The following ACOT11 variants were observed in gnomAD, a reference collection of about 807,000 sequenced individuals.
ACOT11 encodes the protein acyl-CoA thioesterase 11, also known as acyl-coenzyme A thioesterase 11.
In ACOT11, 69 loss-of-function variants were observed where a neutral mutation model predicts 77.5. The observed-to-expected ratio is 0.89, with a 90% CI of 0.73 to 1.09. The LOEUF (loss-of-function observed/expected upper bound fraction) is 1.09, where lower values mean the gene tolerates loss of function less well. Among genes scored for constraint, ACOT11 ranks in the 50% least tolerant of loss-of-function variants. ACOT11 has a pLI of 0.00. For synonymous variants in ACOT11, 279 were observed against 313.0 expected, an observed-to-expected ratio of 0.89 and a Z score of 1.15; for missense variants, 766 against 813.7, an observed-to-expected ratio of 0.94 and a Z score of 0.71.
intron 1 of ACOT11, among the ~76,000 whole-genome samples, chr1:54,564,277 A>G (rs1447532834): frequency 6.6e-6 from 1 of 152,182 alleles, no homozygotes; most frequent in African/African-American, 2.4e-5. Flanking sequence ...AAAAGAAAAA[A>G]AGAAAGAAAG....
chr1:54,583,544 G>A (rs1654393049), intron 1 of ACOT11, among the ~76,000 whole-genome samples: 1 of 152,182 alleles, frequency 6.6e-6, no homozygotes, highest in Non-Finnish European at 1.5e-5. Flanking sequence ...AGCCCCAGGA[G>A]GCCCTGCAAG....
Position 54,609,425 on chromosome 1 carries a change from CG to C in ACOT11, c.*319del. On this transcript the variant is annotated 3_prime_UTR_variant, in exon 16 of 16. Coordinates refer to ENST00000343744, the MANE Select transcript of ACOT11 (RefSeq NM_147161.4). ...GTTGTGCTCCACTGTGACGGTGGCC[CG>C]GGGGGAGGATGCCAGCAGCCTGCCT... The C allele has an allele frequency of 1.2e-6, 2 of 1,613,748 alleles. No individual in the cohort carries two copies. The highest frequency in any genetic ancestry group is 1.7e-5 in the Admixed American group (1 of 60,018).
intron 15 of ACOT11, among the ~76,000 whole-genome samples, chr1:54,625,810 G>A (rs1215380626): frequency 2.6e-5 from 4 of 151,712 alleles, no homozygotes; most frequent in African/African-American, 4.8e-5. Context: ...ATAGTGGCGC[G>A]TGTTTGTAAT....
chr1:54,554,311 G>GTGTC lies in ACOT11; in HGVS notation c.33+5972_33+5973insCTGT, dbSNP rs1653174803. Among the ~76,000 whole-genome samples, 3 of 73,066 alleles carry GTGTC rather than the reference G, an allele frequency of 4.1e-5. No homozygotes were observed. In the South Asian group the frequency reaches 1.4e-3, roughly 34 times the overall value. 47.9% of individuals were successfully genotyped at this position (73,066 alleles called of 152,430 possible). On this transcript the variant is annotated intron_variant, in intron 1 of 15. Coordinates refer to ENST00000343744, the MANE Select transcript of ACOT11 (RefSeq NM_147161.4). ...CCATAGTGTGTGTGTGTGTGTGTGT[G>GTGTC]TGTGTGTGTGTGTGTGTGTGTGTAT... is the stretch of plus-strand genomic sequence containing the variant.
rs1367995856 is a variant in ACOT11 at position 54,577,523 on chromosome 1, A to G, written c.34-7132A>G. ...GATAAAGATACATATACAGATATAC[A>G]TATATATCTATATACATACATATAT... On this transcript the variant is annotated intron_variant, in intron 1 of 15. Transcript: ENST00000343744. Among the ~76,000 whole-genome samples, 3 of 152,332 alleles carry G rather than the reference A, an allele frequency of 2.0e-5. No individual in the cohort carries two copies. In the East Asian group the frequency reaches 5.8e-4, roughly 29 times the overall value.
intron 15 of ACOT11, among the ~76,000 whole-genome samples, chr1:54,618,690 G>A (rs1277982021): frequency 6.6e-6 from 1 of 152,080 alleles, no homozygotes; most frequent in Non-Finnish European, 1.5e-5. Flanking sequence ...ATTCAGGAGG[G>A]AAGGGGACAT....
At chr1:54,627,170 T>G (rs1036568099) in intron 15 of ACOT11, among the ~76,000 whole-genome samples, 1 of 135,390 alleles carries the variant, frequency 7.4e-6, no homozygotes, top group Non-Finnish European at 1.7e-5. Context: ...GAAGGCATTC[T>G]TATGCCCCTT....
At chr1:54,597,196 A>C in intron 6 of ACOT11, 63 bp from the exon 7 acceptor site, 1 of 1,594,098 alleles carries the variant, frequency 6.3e-7, no homozygotes, top group South Asian at 1.1e-5. Flanking sequence ...GCCTGTGGGG[A>C]GGGGCTGCCC....
rs67577349 is a variant in ACOT11 at position 54,554,290 on chromosome 1, A to AGTGTGTGTGT, written c.33+5983_33+5992dup. On this transcript the variant is annotated intron_variant, in intron 1 of 15. Coordinates refer to ENST00000343744, the MANE Select transcript of ACOT11 (RefSeq NM_147161.4). ...TTTTTATGGCTGAATAGTATTCCATAGTGTGTGTGTGTGTGTGTGTGTGTG... is the reference window on the plus strand; with the variant it reads ...TTTTTATGGCTGAATAGTATTCCATAGTGTGTGTGTGTGTGTGTGTGTGTGTGTGTGTGTG... 7.4e-3 allele frequency among the ~76,000 whole-genome samples: 797 copies of AGTGTGTGTGT among 108,350 alleles called. 8 individuals are homozygous for AGTGTGTGTGT. Among genetic ancestry groups the AGTGTGTGTGT allele is most frequent in the African/African-American group, 0.017 (468 of 27,518 alleles). The allele number at this position is 108,350 out of a possible 152,430, so 71.1% of individuals were successfully genotyped here.
In ACOT11 at chr1:54,592,633, G is replaced by A. The variant is rs370195766; in HGVS notation, c.372+27G>A. On this transcript the variant is annotated intron_variant, in intron 4 of 15. Transcript: ENST00000343744. ...TGTGTGGGGTGGGCACTGCTTGGGA[G>A]TGGGTGCGTGGGTGGGTCCTCTACC... 3.1e-6 allele frequency: 5 copies of A among 1,610,286 alleles called. No individual in the cohort carries two copies. The African/African-American group carries it at 4.0e-5, about 13-fold the overall frequency.
chr1:54,598,051 G>A (rs1307362235), intron 7 of ACOT11: 1 of 152,858 alleles, frequency 6.5e-6, no homozygotes, highest in Non-Finnish European at 1.5e-5. Flanking sequence ...TCTACCAGGA[G>A]TGCCTTTCCC....
chr1:54,555,091 T>G (rs1012862043), intron 1 of ACOT11, among the ~76,000 whole-genome samples: 1 of 152,168 alleles, frequency 6.6e-6, no homozygotes, highest in East Asian at 1.9e-4. Flanking sequence ...CCCAAATAGC[T>G]GGGATTACAG....
At chr1:54,594,429 G>A in intron 5 of ACOT11, 127 bp from the exon 6 acceptor site, 2 of 1,270,676 alleles carry the variant, frequency 1.6e-6, no homozygotes, top group East Asian at 2.6e-5. Context: ...AGGAAGCCTT[G>A]GAACTGAGCA....
At chr1:54,552,364 G>A (rs1013554888) in intron 1 of ACOT11, among the ~76,000 whole-genome samples, 7 of 152,206 alleles carry the variant, frequency 4.6e-5, no homozygotes, top group African/African-American at 1.7e-4. Flanking sequence ...GAAGCAGGCT[G>A]AGGTGGTCCT....
chr1:54,555,456 T>C (rs578162776), intron 1 of ACOT11, among the ~76,000 whole-genome samples: 13 of 152,336 alleles, frequency 8.5e-5, no homozygotes, highest in Admixed American at 2.6e-4. Flanking sequence ...TTGTTTTACT[T>C]CTTTGTATAT....
At chr1:54,595,476 A>C (rs544918841) in intron 6 of ACOT11, among the ~76,000 whole-genome samples, 37 of 152,252 alleles carry the variant, frequency 2.4e-4, no homozygotes, top group African/African-American at 7.5e-4. Context: ...TCAAAAGATA[A>C]AATAAAAAGC....
At chr1:54,624,135 C>T (rs767010854) in intron 15 of ACOT11, among the ~76,000 whole-genome samples, 4 of 152,072 alleles carry the variant, frequency 2.6e-5, no homozygotes, top group African/African-American at 9.7e-5. Flanking sequence ...GTATGGGAAG[C>T]AAGTTAGAGG....
In ACOT11 at chr1:54,609,960, G is replaced by T; in HGVS notation, c.*848G>T. On this transcript the variant is annotated 3_prime_UTR_variant, in exon 16 of 16. Coordinates refer to ENST00000343744, the MANE Select transcript of ACOT11 (RefSeq NM_147161.4). ...TCTGTGTCTGGAAGAGGCGGCAGAG[G>T]CAACAGTGTTTAGGATTTGGGTTAT... The T allele has an allele frequency of 6.3e-7, 1 of 1,593,582 alleles. No individual in the cohort carries two copies. The highest frequency in any genetic ancestry group is 8.5e-7 in the Non-Finnish European group (1 of 1,174,722).
intron 1 of ACOT11, among the ~76,000 whole-genome samples, chr1:54,583,289 G>A (rs926689235): frequency 2.6e-5 from 4 of 152,134 alleles, no homozygotes; most frequent in Admixed American, 2.6e-4. Flanking sequence ...AGCCGTTCTG[G>A]GTCAGACAGG....
Sources: gnomAD v4.1 joint callset for allele counts (sites outside exome capture counted in the v4.1 genomes callset) on GRCh38, gnomAD v4.1.1 for gene constraint, MANE v1.5 for transcripts, NCBI Gene and HGNC (gene_info 2026-07-23, HGNC 2026-07-21) for gene names.